The following CLSTN2 variants were observed in gnomAD, a reference collection of about 807,000 sequenced individuals.
CLSTN2 encodes the protein calsyntenin 2, also known as calsyntenin-2.
In CLSTN2, 48 loss-of-function variants were observed where a neutral mutation model predicts 101.2. That is an observed-to-expected ratio of 0.47 (90% CI 0.38 to 0.60). CLSTN2 has a LOEUF of 0.60. Among genes scored for constraint, CLSTN2 ranks in the 20% least tolerant of loss-of-function variants. CLSTN2 has a pLI of 0.00. For synonymous variants in CLSTN2, 481 were observed against 463.6 expected (o/e 1.04, Z -0.48); for missense variants, 1,160 against 1,238.2 (o/e 0.94, Z 0.95).
intron 8 of CLSTN2, among the ~76,000 whole-genome samples, chr3:140,530,837 A>G (rs779375167): frequency 6.6e-6 from 1 of 152,212 alleles, no homozygotes; most frequent in Non-Finnish European, 1.5e-5. Flanking sequence ...CTCCCTGCCC[A>G]GGGCCTGACC....
intron 1 of CLSTN2, among the ~76,000 whole-genome samples, chr3:140,093,558 G>A (rs2008816605): frequency 6.6e-6 from 1 of 152,120 alleles, no homozygotes. Flanking sequence ...GTGACTGAGG[G>A]CTAGCAGAGG....
At chr3:140,045,076 T>C (rs2007844242) in intron 1 of CLSTN2, among the ~76,000 whole-genome samples, 1 of 152,224 alleles carries the variant, frequency 6.6e-6, no homozygotes, top group Non-Finnish European at 1.5e-5. Context: ...TCTCTTTTTC[T>C]ATTGATTGGA....
At chr3:140,050,950 G>A (rs1015277411) in intron 1 of CLSTN2, among the ~76,000 whole-genome samples, 7 of 152,184 alleles carry the variant, frequency 4.6e-5, no homozygotes, top group Non-Finnish European at 1.0e-4. Context: ...AAGGATGGAA[G>A]GTTTCAATAC....
intron 5 of CLSTN2, among the ~76,000 whole-genome samples, chr3:140,438,415 A>G (rs575477525): frequency 8.2e-4 from 88 of 107,730 alleles, no homozygotes; most frequent in Admixed American, 1.6e-3. Context: ...ACCACCTAGG[A>G]AAATGGTCCT....
At chr3:140,252,873 T>A (rs1344307543) in intron 2 of CLSTN2, among the ~76,000 whole-genome samples, 1 of 151,866 alleles carries the variant, frequency 6.6e-6, no homozygotes, top group East Asian at 2.0e-4. Flanking sequence ...TCTTCCACCA[T>A]GACCCAGCTC....
chr3:140,351,088 G>A (rs549885468), intron 2 of CLSTN2, among the ~76,000 whole-genome samples: 6 of 152,180 alleles, frequency 3.9e-5, no homozygotes, highest in Non-Finnish European at 8.8e-5. Flanking sequence ...ATGGAGAGAC[G>A]CCAACAGGGA....
intron 2 of CLSTN2, among the ~76,000 whole-genome samples, chr3:140,321,830 A>ACAGACTGG (rs2087286060): frequency 6.6e-6 from 1 of 152,302 alleles, no homozygotes; most frequent in East Asian, 1.9e-4. Flanking sequence ...AATGTCTAGT[A>ACAGACTGG]CAGACTGGCA....
intron 1 of CLSTN2, among the ~76,000 whole-genome samples, chr3:139,995,935 T>C (rs1369898396): frequency 2.0e-5 from 3 of 152,218 alleles, no homozygotes; most frequent in Non-Finnish European, 4.4e-5. Flanking sequence ...TTATGTACTA[T>C]TAGGATTGGC....
At chr3:140,102,277 C>T (rs1004475820) in intron 1 of CLSTN2, among the ~76,000 whole-genome samples, 1 of 152,120 alleles carries the variant, frequency 6.6e-6, no homozygotes, top group Non-Finnish European at 1.5e-5. Context: ...GTTGACATCC[C>T]CAAAGAGAAG....
chr3:140,315,858 A>G lies in CLSTN2; in HGVS notation c.233-87771A>G, dbSNP rs2107920218. On this transcript the variant is annotated intron_variant, in intron 2 of 16. Transcript: ENST00000458420. ...TATCGGCTTAGCATGGCACAGTGTC[A>G]GGGTAGAGGGTAGGTAGGATAAAAG... Among the ~76,000 whole-genome samples the G allele has an allele frequency of 1.3e-5, 2 of 152,316 alleles. 1 individual carries two copies. The highest frequency in any genetic ancestry group is 6.8e-3 in the Middle Eastern group (2 of 294).
intron 1 of CLSTN2, among the ~76,000 whole-genome samples, chr3:139,981,849 A>C: frequency 6.6e-6 from 1 of 152,208 alleles, no homozygotes; most frequent in East Asian, 1.9e-4. Flanking sequence ...CAAATGAAAA[A>C]GTGGATTTCC....
intron 2 of CLSTN2, among the ~76,000 whole-genome samples, chr3:140,229,255 G>T (rs1253065580): frequency 6.6e-6 from 1 of 152,164 alleles, no homozygotes; most frequent in Non-Finnish European, 1.5e-5. Context: ...CTCATGATGT[G>T]TACTTGAAAA....
chr3:140,533,259 T>A (rs1371386850), intron 9 of CLSTN2, among the ~76,000 whole-genome samples: 1 of 152,128 alleles, frequency 6.6e-6, no homozygotes, highest in African/African-American at 2.4e-5. Flanking sequence ...GAAGTACCAG[T>A]AAGAGAGCAG....
At chr3:140,229,054 T>C (rs1369320335) in intron 2 of CLSTN2, among the ~76,000 whole-genome samples, 1 of 152,100 alleles carries the variant, frequency 6.6e-6, no homozygotes, top group Non-Finnish European at 1.5e-5. Context: ...CTCCTGGTCT[T>C]CCCAAGAGCC....
chr3:140,048,996 G>A (rs563225969), intron 1 of CLSTN2, among the ~76,000 whole-genome samples: 1 of 152,204 alleles, frequency 6.6e-6, no homozygotes, highest in African/African-American at 2.4e-5. Flanking sequence ...TGTTTGTGCT[G>A]GTCTTTGCAC....
chr3:140,297,508 G>GT (rs989895321), intron 2 of CLSTN2, among the ~76,000 whole-genome samples: 16 of 151,988 alleles, frequency 1.1e-4, no homozygotes, highest in Non-Finnish European at 1.8e-4. Flanking sequence ...ATTGGCAAAT[G>GT]TTTTTTTTCT....
intron 4 of CLSTN2, among the ~76,000 whole-genome samples, chr3:140,411,772 T>C (rs2088366612): frequency 6.6e-6 from 1 of 152,216 alleles, no homozygotes; most frequent in Non-Finnish European, 1.5e-5. Flanking sequence ...AATTCACCCA[T>C]AAGGATCCCT....
In CLSTN2 at chr3:140,567,278, TG is replaced by T; in HGVS notation, c.*1027del. 1 of 152,376 alleles carries T rather than the reference TG, an allele frequency of 6.6e-6. No individual in the cohort carries two copies. The highest frequency in any genetic ancestry group is 1.9e-4 in the East Asian group (1 of 5,176). The allele number at this position is 152,376 out of a possible 1,614,324, so 9.4% of individuals were successfully genotyped here. A position where few individuals can be genotyped will look rare whatever the true frequency, so the allele number is the denominator to read the frequency against. On this transcript the variant is annotated 3_prime_UTR_variant, in exon 17 of 17. Coordinates refer to ENST00000458420, the MANE Select transcript of CLSTN2 (RefSeq NM_022131.3). Reference sequence around the variant, plus strand: ...GCAAGGCTCTCACCACTCAGCCTTATGGTCCCTTATCTCCTATCTTCCCTCT... The same window carrying T: ...GCAAGGCTCTCACCACTCAGCCTTATGTCCCTTATCTCCTATCTTCCCTCT...
At chr3:140,561,525 T>A (rs968945472) in intron 12 of CLSTN2, among the ~76,000 whole-genome samples, 1 of 152,236 alleles carries the variant, frequency 6.6e-6, no homozygotes, top group African/African-American at 2.4e-5. Context: ...TATTGATTAT[T>A]GGTTATATCA....
Sources: gnomAD v4.1 joint callset for allele counts (sites outside exome capture counted in the v4.1 genomes callset) on GRCh38, gnomAD v4.1.1 for gene constraint, MANE v1.5 for transcripts, NCBI Gene and HGNC (gene_info 2026-07-23, HGNC 2026-07-21) for gene names.